ETV6: variants seen among roughly 807,000 people sequenced by gnomAD.
The protein encoded by ETV6 is ETS variant transcription factor 6.
A neutral mutation model predicts 51.1 loss-of-function variants in ETV6; 16 were observed. The ratio of observed to expected loss-of-function variants is 0.31; its 90% CI spans 0.21 to 0.48. The LOEUF is 0.48. ETV6 is among the 20% of genes least tolerant of loss of function. ETV6 has a pLI of 0.99. For missense variants in ETV6, 458 were observed against 594.8 expected (o/e 0.77, Z 2.39); for synonymous variants, 240 against 224.1 (o/e 1.07, Z -0.64).
intron 1 of ETV6, among the ~76,000 whole-genome samples, chr12:11,729,219 C>T (rs913119829): frequency 6.6e-6 from 1 of 152,148 alleles, no homozygotes; most frequent in African/African-American, 2.4e-5. Flanking sequence ...TGCCAACTGG[C>T]CAGGTGTGCC....
rs35812814 is a variant in ETV6, at chr12:11,892,210, ATTTT to A, written c.*1184_*1187del. The A allele has an allele frequency of 9.3e-4, 143 of 153,290 alleles. No individual in the cohort carries two copies. The highest frequency in any genetic ancestry group is 1.4e-3 in the Admixed American group (13 of 9,300). The allele number at this position is 153,290 out of a possible 1,614,324, so 9.5% of individuals were successfully genotyped here. ...GTGGTCAGTTTCATGCCCTCACCTGATTTTTTTTTTTTTTTTTTTTTTTCAATTC... is the reference window on the plus strand; with the variant it reads ...GTGGTCAGTTTCATGCCCTCACCTGATTTTTTTTTTTTTTTTTTTCAATTC... On this transcript the variant is annotated 3_prime_UTR_variant, in exon 8 of 8. Transcript: ENST00000396373.
At chr12:11,834,124 C>G (rs536075888) in intron 2 of ETV6, among the ~76,000 whole-genome samples, 1 of 152,128 alleles carries the variant, frequency 6.6e-6, no homozygotes, top group Non-Finnish European at 1.5e-5. Flanking sequence ...TATCTTTGGA[C>G]CAATTAAGGA....
chr12:11,759,178 A>G (rs1020771022), intron 2 of ETV6, among the ~76,000 whole-genome samples: 2 of 152,016 alleles, frequency 1.3e-5, no homozygotes, highest in Non-Finnish European at 2.9e-5. Flanking sequence ...TTTTTAAGAA[A>G]AAAAATATAT....
intron 1 of ETV6, among the ~76,000 whole-genome samples, chr12:11,740,910 G>A (rs1865794714): frequency 6.6e-6 from 1 of 152,112 alleles, no homozygotes; most frequent in Admixed American, 6.6e-5. Flanking sequence ...GTTCATTCAG[G>A]GATCTTCTTA....
At chr12:11,700,456 A>G (rs1320755323) in intron 1 of ETV6, among the ~76,000 whole-genome samples, 1 of 152,166 alleles carries the variant, frequency 6.6e-6, no homozygotes, top group African/African-American at 2.4e-5. Flanking sequence ...CCTGCTTATA[A>G]GTGAGAACAT....
At chr12:11,661,163 A>G (rs1286490674) in intron 1 of ETV6, among the ~76,000 whole-genome samples, 1 of 151,832 alleles carries the variant, frequency 6.6e-6, no homozygotes, top group Non-Finnish European at 1.5e-5. Flanking sequence ...ACTTTTTTAA[A>G]AAACTTTTTG....
At chr12:11,771,085 C>T (rs964326511) in intron 2 of ETV6, among the ~76,000 whole-genome samples, 3 of 152,198 alleles carry the variant, frequency 2.0e-5, no homozygotes, top group African/African-American at 7.2e-5. Context: ...ACTCCAGTGT[C>T]TGAAAACATA....
At chr12:11,745,313 G>A (rs1199136236) in intron 1 of ETV6, among the ~76,000 whole-genome samples, 4 of 152,210 alleles carry the variant, frequency 2.6e-5, no homozygotes, top group African/African-American at 9.7e-5. Context: ...TAACTGTTCA[G>A]CCTCAGCATT....
At chr12:11,719,825 C>T (rs1865347502) in intron 1 of ETV6, among the ~76,000 whole-genome samples, 1 of 152,234 alleles carries the variant, frequency 6.6e-6, no homozygotes, top group African/African-American at 2.4e-5. Flanking sequence ...TCCTTCCTTC[C>T]TCTTCCCTCA....
At chr12:11,771,232 C>A (rs1001487024) in intron 2 of ETV6, among the ~76,000 whole-genome samples, 1 of 152,202 alleles carries the variant, frequency 6.6e-6, no homozygotes, top group Non-Finnish European at 1.5e-5. Context: ...TCAGTGGTGT[C>A]CCACTCCACA....
intron 1 of ETV6, among the ~76,000 whole-genome samples, chr12:11,719,592 A>T (rs1020886710): frequency 2.6e-5 from 4 of 152,202 alleles, no homozygotes; most frequent in Non-Finnish European, 5.9e-5. Context: ...CTGAATAAAG[A>T]TGCATTTATC....
chr12:11,807,989 C>G (rs1228896193), intron 2 of ETV6, among the ~76,000 whole-genome samples: 2 of 152,104 alleles, frequency 1.3e-5, no homozygotes, highest in Non-Finnish European at 2.9e-5. Flanking sequence ...GACCCCTTCC[C>G]CAATGATCAT....
chr12:11,768,808 C>T (rs1826270425), intron 2 of ETV6: 3 of 415,602 alleles, frequency 7.2e-6, no homozygotes, highest in Non-Finnish European at 1.4e-5. Context: ...GCTCTGTCCA[C>T]ACCTTGCATA....
chr12:11,856,741 T>A (rs1946637999), intron 4 of ETV6, among the ~76,000 whole-genome samples: 1 of 152,202 alleles, frequency 6.6e-6, no homozygotes, highest in Admixed American at 6.5e-5. Flanking sequence ...CCAGAATCAA[T>A]ACTGTTCCAT....
intron 2 of ETV6, among the ~76,000 whole-genome samples, chr12:11,754,096 C>CGATAT (rs1555124077): frequency 1.3e-5 from 2 of 152,098 alleles, no homozygotes; most frequent in Admixed American, 1.3e-4. Context: ...ATCCTGTGAC[C>CGATAT]GATATATTCA....
intron 5 of ETV6, among the ~76,000 whole-genome samples, chr12:11,876,451 G>A (rs1946985114): frequency 6.6e-6 from 1 of 152,174 alleles, no homozygotes; most frequent in African/African-American, 2.4e-5. Flanking sequence ...ACTATAGACA[G>A]CTAAATCTTA....
Position 11,853,365 on chromosome 12 carries a change from G to A in ETV6, c.329-62G>A, listed in dbSNP as rs764456901. 467 of 1,603,650 alleles carry A rather than the reference G, an allele frequency of 2.9e-4. 1 individual carries two copies. The highest frequency in any genetic ancestry group is 3.6e-4 in the South Asian group (33 of 90,484). The stretch of plus-strand genomic sequence containing the variant: ...GTGCCAGGCACTTAGCTGCTGCTCC[G>A]TAGATCGTTGTTGGAAAAACATCTT... On this transcript the variant is annotated intron_variant, in intron 3 of 7. Transcript: ENST00000396373.
At position 11,777,446 on chromosome 12, in the gene ETV6, GT is replaced by G. The variant is rs1475827148; in HGVS notation, c.163+24874del. ...AGAATTTCTTTCTCTTTACTGTGGA[GT>G]TTTTTTGTTTTTTTTTTCTTCTGGC... On this transcript the variant is annotated intron_variant, in intron 2 of 7. Coordinates refer to ENST00000396373, the MANE Select transcript of ETV6 (RefSeq NM_001987.5). Among the ~76,000 whole-genome samples the G allele has an allele frequency of 4.6e-5, 7 of 151,410 alleles. No homozygotes were observed. In the East Asian group the frequency reaches 1.2e-3, roughly 25 times the overall value.
chr12:11,782,877 A>T (rs1675261562), intron 2 of ETV6, among the ~76,000 whole-genome samples: 1 of 152,244 alleles, frequency 6.6e-6, no homozygotes, highest in South Asian at 2.1e-4. Flanking sequence ...TATTATAAGT[A>T]TACATCTATT....
Sources: gnomAD v4.1 joint callset for allele counts (sites outside exome capture counted in the v4.1 genomes callset) on GRCh38, gnomAD v4.1.1 for gene constraint, MANE v1.5 for transcripts, NCBI Gene and HGNC (gene_info 2026-07-23, HGNC 2026-07-21) for gene names.